SLC25A15: variants seen among roughly 807,000 people sequenced by gnomAD.
The protein encoded by SLC25A15 is mitochondrial ornithine transporter 1.
Under a neutral mutation model 32.3 loss-of-function variants are expected in SLC25A15, and 24 were observed. That is an observed-to-expected ratio of 0.74 (90% CI 0.54 to 1.04). SLC25A15 has a LOEUF of 1.04. Among genes scored for constraint, SLC25A15 ranks in the 50% least tolerant of loss-of-function variants. SLC25A15 has a pLI of 0.00. For synonymous variants in SLC25A15, 132 were observed against 142.1 expected (o/e 0.93, Z 0.51); for missense variants, 317 against 374.5 (o/e 0.85, Z 1.27).
At chr13:40,799,503 T>TA (rs150039372) in intron 3 of SLC25A15, among the ~76,000 whole-genome samples, 188 bp downstream of exon 3, 9,434 of 152,144 alleles carry the variant, frequency 0.062, 360 homozygotes, top group Middle Eastern at 0.095. Flanking sequence ...AAATAAAAAT[T>TA]AAAAAAAATC....
intron 1 of SLC25A15, among the ~76,000 whole-genome samples, chr13:40,791,451 G>A (rs943880756): frequency 2.0e-5 from 3 of 151,168 alleles, no homozygotes; most frequent in Admixed American, 6.6e-5. Context: ...TCCACCTCCC[G>A]GGTTCAAGTG....
intron 3 of SLC25A15, among the ~76,000 whole-genome samples, chr13:40,802,715 C>T (rs1473637818): frequency 2.0e-5 from 3 of 151,974 alleles, no homozygotes; most frequent in Non-Finnish European, 4.4e-5. Flanking sequence ...GCTGGGACTA[C>T]AGGCGCCCAC....
intron 3 of SLC25A15, among the ~76,000 whole-genome samples, chr13:40,801,706 C>T (rs894675557): frequency 3.3e-5 from 5 of 152,162 alleles, no homozygotes; most frequent in African/African-American, 9.7e-5. Flanking sequence ...TGTCTGTTCC[C>T]GGTTTCAACA....
At position 40,791,301 on chromosome 13, in the gene SLC25A15, T is replaced by TTTTATTTATTTA. The variant is rs58686711; in HGVS notation, c.-70+1662_-70+1673dup. Among the ~76,000 whole-genome samples the TTTTATTTATTTA allele has an allele frequency of 9.5e-3, 1,341 of 140,678 alleles. 11 individuals are homozygous for TTTTATTTATTTA. Among genetic ancestry groups the TTTTATTTATTTA allele is most frequent in the South Asian group, 0.014 (61 of 4,410 alleles). 92.3% of individuals were successfully genotyped at this position (140,678 alleles called of 152,430 possible). On this transcript the variant is annotated intron_variant, in intron 1 of 6. Transcript: ENST00000338625. ...GAAAGGATTAGGACCCTGATAAACT[T>TTTTATTTATTTA]TTTATTTATTTATTTATTTATTTAT...
chr13:40,808,065 T>C (rs754399337), intron 5 of SLC25A15, among the ~76,000 whole-genome samples: 4 of 152,110 alleles, frequency 2.6e-5, no homozygotes, highest in Non-Finnish European at 5.9e-5. Context: ...TACTTAAGAG[T>C]GAGAAAGTTG....
intron 1 of SLC25A15, among the ~76,000 whole-genome samples, chr13:40,790,889 T>C (rs1881458799): frequency 6.6e-6 from 1 of 152,152 alleles, no homozygotes; most frequent in African/African-American, 2.4e-5. Context: ...GCCTGGCCTA[T>C]TTGTAGAATT....
At chr13:40,794,294 C>T (rs1212744988) in intron 2 of SLC25A15, among the ~76,000 whole-genome samples, 2 of 151,120 alleles carry the variant, frequency 1.3e-5, no homozygotes, top group South Asian at 2.1e-4. Context: ...GAGCCAAGAT[C>T]GCGCCATTGC....
At chr13:40,808,195 T>G (rs764873609) in intron 5 of SLC25A15, among the ~76,000 whole-genome samples, 17 of 152,240 alleles carry the variant, frequency 1.1e-4, no homozygotes, top group Non-Finnish European at 2.2e-4. Context: ...AAGCGAAATA[T>G]AACCCTCACT....
At chr13:40,798,410 G>A (rs980847759) in intron 2 of SLC25A15, among the ~76,000 whole-genome samples, 11 of 152,124 alleles carry the variant, frequency 7.2e-5, no homozygotes, top group African/African-American at 1.9e-4. Context: ...GTTATTAATC[G>A]GTAGAGCTCA....
In SLC25A15 at chr13:40,794,794, C is replaced by A. The variant is rs192527690; in HGVS notation, c.55+1513C>A. 2.7e-3 allele frequency among the ~76,000 whole-genome samples: 410 copies of A among 152,164 alleles called. 1 individual carries two copies. The highest frequency in any genetic ancestry group is 9.6e-3 in the African/African-American group (398 of 41,500). On this transcript the variant is annotated intron_variant, in intron 2 of 6. Transcript: ENST00000338625. ...TGCTGTCCTTATCCAGCACACCCCC[C>A]ACCCCCACCACCAGCAGATGAGTAT...
intron 3 of SLC25A15, among the ~76,000 whole-genome samples, chr13:40,801,716 A>G (rs971440886): frequency 6.6e-6 from 1 of 152,232 alleles, no homozygotes; most frequent in Non-Finnish European, 1.5e-5. Flanking sequence ...CGGTTTCAAC[A>G]TGACCCAGAA....
chr13:40,799,268 G>T lies in SLC25A15; in HGVS notation c.267G>T (p.Gln89His), dbSNP rs768462826. 7.4e-6 allele frequency: 12 copies of T among 1,614,190 alleles called. No individual in the cohort carries two copies. The highest frequency in any genetic ancestry group is 9.3e-6 in the Non-Finnish European group (11 of 1,180,048). The change falls in exon 3 of 7, where the codon CAG becomes CAT. Residue 89 changes from glutamine to histidine, a missense_variant. Gln to His is a conservative substitution (Grantham distance 24, BLOSUM62 0). Transcript: ENST00000338625. ...TCTTCATGTGCTACGGCTTCTGCCA[G>T]CAGGTGGTGCGGAAAGTGGCTGGAT... ...SVLFMCYGFCQQVVRKVAGLD... is the reference protein window; with the variant it reads ...SVLFMCYGFCHQVVRKVAGLD...
At position 40,810,362 on chromosome 13, in the gene SLC25A15, C is replaced by T. The variant is rs1441435735; in HGVS notation, c.*695C>T. 4.6e-5 allele frequency among the ~76,000 whole-genome samples: 7 copies of T among 152,110 alleles called. No individual in the cohort carries two copies. The South Asian group carries it at 1.5e-3, about 32-fold the overall frequency. On this transcript the variant is annotated 3_prime_UTR_variant, in exon 7 of 7. Transcript: ENST00000338625. ...ATTTTTTGTAGAGACGAGGTTTCAC[C>T]ATGTTGTCCAGGTTGGTCTCGAACT...
chr13:40,799,739 G>A (rs945087162), intron 3 of SLC25A15, among the ~76,000 whole-genome samples: 1 of 152,282 alleles, frequency 6.6e-6, no homozygotes, highest in South Asian at 2.1e-4. Flanking sequence ...GATGCAGCTG[G>A]CAGTGCTACC....
At chr13:40,805,383 G>A (rs1024901945) in intron 4 of SLC25A15, 128 bp downstream of exon 4, 18 of 1,120,686 alleles carry the variant, frequency 1.6e-5, no homozygotes, top group Non-Finnish European at 2.1e-5. Context: ...ATTGTTTCTA[G>A]AATGCTTTCC....
chr13:40,798,915 A>C, intron 2 of SLC25A15, 142 bp from the exon 3 acceptor site: 1 of 1,575,800 alleles, frequency 6.3e-7, no homozygotes, highest in Non-Finnish European at 8.6e-7. Flanking sequence ...TGTTTACTGG[A>C]CATGGCTGGA....
At chr13:40,805,701 A>C (rs1322377471) in intron 4 of SLC25A15, among the ~76,000 whole-genome samples, 1 of 152,194 alleles carries the variant, frequency 6.6e-6, no homozygotes, top group Non-Finnish European at 1.5e-5. Context: ...AGAGGTAACT[A>C]TTCTTACCCC....
At chr13:40,798,317 C>T (rs1364394495) in intron 2 of SLC25A15, among the ~76,000 whole-genome samples, 1 of 151,928 alleles carries the variant, frequency 6.6e-6, no homozygotes, top group Non-Finnish European at 1.5e-5. Flanking sequence ...AATGTAGACT[C>T]TGCTGTATTT....
chr13:40,803,033 G>A (rs75762268), intron 3 of SLC25A15, among the ~76,000 whole-genome samples: 106 of 152,128 alleles, frequency 7.0e-4, no homozygotes, highest in African/African-American at 2.5e-3. Context: ...GCATTGAATG[G>A]GTGTCAGGGA....
Sources: gnomAD v4.1 joint callset for allele counts (sites outside exome capture counted in the v4.1 genomes callset) on GRCh38, gnomAD v4.1.1 for gene constraint, MANE v1.5 for transcripts, NCBI Gene and HGNC (gene_info 2026-07-23, HGNC 2026-07-21) for gene names.